Variants in XKR3 observed in about 807,000 individuals in gnomAD.
XKR3 encodes XK-related protein 3.
In XKR3, 27 loss-of-function variants were observed where a neutral mutation model predicts 40.3. The observed-to-expected ratio is 0.67, with a 90% confidence interval of 0.49 to 0.92. The LOEUF (loss-of-function observed/expected upper bound fraction) is 0.92. Among genes scored for constraint, XKR3 ranks in the 40% least tolerant of loss-of-function variants. XKR3 has a pLI of 0.00. For missense variants in XKR3, 472 were observed against 537.6 expected (o/e 0.88, Z 1.21); for synonymous variants, 193 against 195.4 (o/e 0.99, Z 0.10).
intron 1 of XKR3, among the ~76,000 whole-genome samples, chr22:16,811,460 T>G (rs2060212340): frequency 6.6e-6 from 1 of 152,272 alleles, no homozygotes; most frequent in Non-Finnish European, 1.5e-5. Flanking sequence ...AGACTTAATT[T>G]CTGTAACAGG....
In XKR3 at chr22:16,808,088, TA is replaced by T; in HGVS notation, c.-10-6del. The T allele has an allele frequency of 6.4e-7, 1 of 1,571,142 alleles. No homozygotes were observed. Among genetic ancestry groups the T allele is most frequent in the African/African-American group, 1.4e-5 (1 of 73,118 alleles). ...ACTGTCTCCATTCTCAGGGTGCTGC[TA>T]ATTCAAAGTCGTCTTGTCAGTGAAT... On this transcript the variant is annotated splice_polypyrimidine_tract_variant and splice_region_variant and intron_variant, in intron 1 of 3. Coordinates refer to ENST00000684488, the MANE Select transcript of XKR3 (RefSeq NM_001386955.1).
chr22:16,821,742 G>A (rs554779507), intron 1 of XKR3: 2 of 152,156 alleles, frequency 1.3e-5, no homozygotes, highest in East Asian at 3.9e-4. Flanking sequence ...TTCTAACTCT[G>A]TAGGCAGCAG....
At chr22:16,796,754 A>G (rs2060142794) in intron 3 of XKR3, among the ~76,000 whole-genome samples, 1 of 152,240 alleles carries the variant, frequency 6.6e-6, no homozygotes, top group Non-Finnish European at 1.5e-5. Flanking sequence ...AGCGCAAATT[A>G]TTTAATGCTA....
In XKR3 at chr22:16,807,928, G is replaced by T. The variant is rs1345430038; in HGVS notation, c.146C>A (p.Ala49Asp). Residue 49 changes from alanine (A) to aspartate (D), a missense_variant, in exon 2 of 4, where the codon GCC becomes GAC. Coordinates refer to ENST00000684488, the MANE Select transcript of XKR3 (RefSeq NM_001386955.1). ...FSTVLYCGEV[A>D]FGLYMFEIYR... ...AATTTCAAACATGTATAAACCAAAGGCAACCTCACCACAGTAGAGAACAGT... is the reference window on the plus strand; with the variant it reads ...AATTTCAAACATGTATAAACCAAAGTCAACCTCACCACAGTAGAGAACAGT... 6.2e-7 allele frequency: 1 copy of T among 1,613,906 alleles called. No homozygotes were observed. Among genetic ancestry groups the T allele is most frequent in the East Asian group, 2.2e-5 (1 of 44,848 alleles).
intron 1 of XKR3, among the ~76,000 whole-genome samples, chr22:16,812,397 C>T (rs1353592567): frequency 6.6e-6 from 1 of 152,182 alleles, no homozygotes. Context: ...TACACACTTG[C>T]TGGGCGCGGT....
At chr22:16,814,782 G>A (rs919529539) in intron 1 of XKR3, among the ~76,000 whole-genome samples, 4 of 151,934 alleles carry the variant, frequency 2.6e-5, no homozygotes, top group Admixed American at 2.6e-4. Flanking sequence ...TACTGTGTAG[G>A]TATATAATTG....
In XKR3 at chr22:16,797,308, A is replaced by C. The variant is rs1303992404; in HGVS notation, c.589+2463T>G. On this transcript the variant is annotated intron_variant, in intron 3 of 3. Coordinates refer to ENST00000684488, the MANE Select transcript of XKR3 (RefSeq NM_001386955.1). The stretch of plus-strand genomic sequence containing the variant: ...CCAAATGCAATTTTGCATAAAACAC[A>C]AAAATAGAAAATTGGGACCTAATTA... Among the ~76,000 whole-genome samples, 15 of 152,344 alleles carry C rather than the reference A, an allele frequency of 9.8e-5. No homozygotes were observed. The South Asian group carries it at 2.3e-3, about 23-fold the overall frequency.
chr22:16,810,657 A>T (rs577255475), intron 1 of XKR3, among the ~76,000 whole-genome samples: 1 of 152,220 alleles, frequency 6.6e-6, no homozygotes, highest in Non-Finnish European at 1.5e-5. Context: ...AAAGATCAAC[A>T]CTATTTATAT....
At chr22:16,809,450 T>A (rs1189488310) in intron 1 of XKR3, among the ~76,000 whole-genome samples, 1 of 152,238 alleles carries the variant, frequency 6.6e-6, no homozygotes, top group Non-Finnish European at 1.5e-5. Flanking sequence ...GGTGCTGAAC[T>A]TTTTCTCTGC....
intron 1 of XKR3, among the ~76,000 whole-genome samples, chr22:16,810,964 TA>T (rs2060209931): frequency 6.6e-6 from 1 of 152,172 alleles, no homozygotes; most frequent in Non-Finnish European, 1.5e-5. Context: ...GCTTCTTACT[TA>T]AAAGTCACTA....
At chr22:16,784,607 A>G (rs2060082298) in intron 3 of XKR3, among the ~76,000 whole-genome samples, 198 bp from the exon 4 acceptor site, 1 of 152,216 alleles carries the variant, frequency 6.6e-6, no homozygotes, top group Non-Finnish European at 1.5e-5. Context: ...CATATATTAC[A>G]CCTTGGAAAA....
chr22:16,811,063 C>T lies in XKR3; in HGVS notation c.-10-2980G>A, dbSNP rs1468392633. The stretch of plus-strand genomic sequence containing the variant: ...CTTTTCTCAGGTGAACTGTGGAAAA[C>T]AATACGTGATATATTTTCAGTTCAC... On this transcript the variant is annotated intron_variant, in intron 1 of 3. Coordinates refer to ENST00000684488, the MANE Select transcript of XKR3 (RefSeq NM_001386955.1). Among the ~76,000 whole-genome samples the T allele has an allele frequency of 5.3e-5, 8 of 151,514 alleles. No individual in the cohort carries two copies. In the East Asian group the frequency reaches 1.6e-3, roughly 29 times the overall value.
chr22:16,807,529 C>T (rs1264713044), intron 2 of XKR3, among the ~76,000 whole-genome samples: 1 of 152,152 alleles, frequency 6.6e-6, no homozygotes, highest in African/African-American at 2.4e-5. Flanking sequence ...GACTCATTCC[C>T]ATTTGCATTT....
At chr22:16,805,737 A>G (rs1411961409) in intron 2 of XKR3, among the ~76,000 whole-genome samples, 1 of 152,224 alleles carries the variant, frequency 6.6e-6, no homozygotes, top group African/African-American at 2.4e-5. Flanking sequence ...AATAAGAATT[A>G]ATACATAGAT....
chr22:16,803,664 C>T (rs775047087), intron 2 of XKR3, among the ~76,000 whole-genome samples: 3 of 152,148 alleles, frequency 2.0e-5, no homozygotes, highest in Non-Finnish European at 4.4e-5. Context: ...ACCAAAATGG[C>T]CACAAGAGTG....
At chr22:16,799,413 C>CAAAAAAAA (rs528071823) in intron 3 of XKR3, among the ~76,000 whole-genome samples, 513 of 32,532 alleles carry the variant, frequency 0.016, 59 homozygotes, top group Non-Finnish European at 0.023. Flanking sequence ...GACTATGTCT[C>CAAAAAAAA]AAAAAAAAAA....
intron 3 of XKR3, among the ~76,000 whole-genome samples, chr22:16,786,442 G>A (rs2060091347): frequency 6.6e-6 from 1 of 152,122 alleles, no homozygotes; most frequent in Non-Finnish European, 1.5e-5. Flanking sequence ...ATATCAAGGG[G>A]CAAACTTCTA....
chr22:16,817,251 A>C (rs1449259750), intron 1 of XKR3, among the ~76,000 whole-genome samples: 1 of 152,066 alleles, frequency 6.6e-6, no homozygotes, highest in African/African-American at 2.4e-5. Flanking sequence ...AGAGAACACC[A>C]AAACCTACTT....
chr22:16,822,128 T>C (rs2060259428), intron 1 of XKR3, among the ~76,000 whole-genome samples: 1 of 152,154 alleles, frequency 6.6e-6, no homozygotes. Context: ...TTTTCTTTAA[T>C]CAAATCTTTG....
Sources: gnomAD v4.1 joint callset for allele counts (sites outside exome capture counted in the v4.1 genomes callset) on GRCh38, gnomAD v4.1.1 for gene constraint, MANE v1.5 for transcripts, NCBI Gene and HGNC (gene_info 2026-07-23, HGNC 2026-07-21) for gene names.